Variants in MGAT4C observed in about 807,000 individuals in gnomAD.
The protein encoded by MGAT4C is alpha-1,3-mannosyl-glycoprotein 4-beta-N-acetylglucosaminyltransferase C.
In MGAT4C, 19 loss-of-function variants were observed where a neutral mutation model predicts 40.1. The ratio of observed to expected loss-of-function variants is 0.47; its 90% CI spans 0.33 to 0.70. The LOEUF is 0.70. MGAT4C is among the 30% of genes least tolerant of loss of function. The pLI is 0.02. For missense variants in MGAT4C, 491 were observed against 563.2 expected, an observed-to-expected ratio of 0.87 and a Z score of 1.30; for synonymous variants, 181 against 187.1, an observed-to-expected ratio of 0.97 and a Z score of 0.27.
chr12:86,269,057 T>TTCTTTTA (rs1952875636), intron 4 of MGAT4C, among the ~76,000 whole-genome samples: 3 of 123,654 alleles, frequency 2.4e-5, no homozygotes, highest in African/African-American at 8.9e-5. Flanking sequence ...TATATATATA[T>TTCTTTTA]ATATTCTTTT....
rs889828999 is a variant in MGAT4C, at chr12:85,971,965, A to T, written c.*7324T>A. The T allele has an allele frequency of 2.0e-5, 3 of 151,190 alleles. No homozygotes were observed. The highest frequency in any genetic ancestry group is 7.3e-5 in the African/African-American group (3 of 41,342). The allele number at this position is 151,190 out of a possible 1,614,324, so 9.4% of individuals were successfully genotyped here. A position where few individuals can be genotyped will look rare whatever the true frequency, so the allele number is the denominator to read the frequency against. On this transcript the variant is annotated 3_prime_UTR_variant, in exon 5 of 5. Coordinates refer to ENST00000611864, the MANE Select transcript of MGAT4C (RefSeq NM_001351288.2). ...TGAATGTGTCTTTTCTACTTTGACTATATTTACCATTGACTACAGTAACTC... is the reference window on the plus strand; with the variant it reads ...TGAATGTGTCTTTTCTACTTTGACTTTATTTACCATTGACTACAGTAACTC...
chr12:86,323,786 T>A (rs1309255555), intron 4 of MGAT4C, among the ~76,000 whole-genome samples: 1 of 151,960 alleles, frequency 6.6e-6, no homozygotes, highest in Non-Finnish European at 1.5e-5. Flanking sequence ...GATAAAATTG[T>A]TGATGCTTCC....
intron 1 of MGAT4C, among the ~76,000 whole-genome samples, chr12:86,149,340 A>C (rs1883976519): frequency 6.6e-6 from 1 of 152,188 alleles, no homozygotes; most frequent in African/African-American, 2.4e-5. Flanking sequence ...AAAGGAGATA[A>C]ATGTGACATG....
upstream of MGAT4C, among the ~76,000 whole-genome samples, chr12:86,259,623 T>C (rs1434453976): frequency 6.7e-6 from 1 of 149,640 alleles, no homozygotes; most frequent in Non-Finnish European, 1.5e-5. Context: ...ACCAACGTTG[T>C]CTCATTATTT....
At position 86,714,834 on chromosome 12, in the gene MGAT4C, G is replaced by A. The variant is rs529952605; in HGVS notation, c.-229+12375C>T. On this transcript the variant is annotated intron_variant, in intron 2 of 7. Coordinates refer to the MGAT4C transcript ENST00000548651. ...GGAAGGAAAGAATTAAAGTAGGAAG[G>A]AAGAAAGGGTAGAAGAAAGATGTAA... Among the ~76,000 whole-genome samples, 11 of 150,378 alleles carry A rather than the reference G, an allele frequency of 7.3e-5. No homozygotes were observed. In the South Asian group the frequency reaches 2.1e-3, roughly 29 times the overall value.
intron 4 of MGAT4C, among the ~76,000 whole-genome samples, chr12:86,321,224 G>T (rs1954377854): frequency 6.6e-6 from 1 of 151,952 alleles, no homozygotes; most frequent in Non-Finnish European, 1.5e-5. Context: ...ACAATTAAGA[G>T]AAAAAAGACA....
chr12:86,303,072 C>CT (rs920303078), intron 4 of MGAT4C, among the ~76,000 whole-genome samples: 13 of 150,738 alleles, frequency 8.6e-5, no homozygotes, highest in Non-Finnish European at 1.9e-4. Context: ...TTTTACTTCT[C>CT]TATTTTTCTC....
intron 1 of MGAT4C, among the ~76,000 whole-genome samples, chr12:86,738,553 C>T (rs1951019174): frequency 6.6e-6 from 1 of 151,138 alleles, no homozygotes; most frequent in Non-Finnish European, 1.5e-5. Context: ...ATGAATCATG[C>T]CATTCATTCA....
In MGAT4C at chr12:85,960,300, T is replaced by C. The variant is rs1296741446; in HGVS notation, c.*18989A>G. On this transcript the variant is annotated 3_prime_UTR_variant, in exon 5 of 5. Coordinates refer to ENST00000611864, the MANE Select transcript of MGAT4C (RefSeq NM_001351288.2). Reference sequence around the variant, plus strand: ...AAAAGGAAGTGATTTTCTCATTGAATAAGAGAATCCGAACTGGCATCGAGG... The same window carrying C: ...AAAAGGAAGTGATTTTCTCATTGAACAAGAGAATCCGAACTGGCATCGAGG... The C allele has an allele frequency of 6.6e-6, 1 of 152,024 alleles. No individual in the cohort carries two copies. Among genetic ancestry groups the C allele is most frequent in the African/African-American group, 2.4e-5 (1 of 41,448 alleles). 9.4% of individuals were successfully genotyped at this position (152,024 alleles called of 1,614,324 possible).
intron 2 of MGAT4C, among the ~76,000 whole-genome samples, chr12:86,505,739 G>C (rs2136340660): frequency 6.6e-6 from 1 of 152,184 alleles, no homozygotes; most frequent in South Asian, 2.1e-4. Context: ...GATAACCTTG[G>C]ATTATGCAAG....
chr12:86,462,794 A>G (rs1016845565), intron 2 of MGAT4C, among the ~76,000 whole-genome samples: 1 of 152,182 alleles, frequency 6.6e-6, no homozygotes, highest in South Asian at 2.1e-4. Context: ...TGAGACCGGA[A>G]GACTCAGCAT....
At chr12:86,491,054 CAA>C (rs934162817) in intron 2 of MGAT4C, among the ~76,000 whole-genome samples, 3 of 152,044 alleles carry the variant, frequency 2.0e-5, no homozygotes, top group African/African-American at 7.2e-5. Flanking sequence ...AGCTCTGCAC[CAA>C]GCGGACCTCA....
At position 86,194,172 on chromosome 12, in the gene MGAT4C, T is replaced by C. The variant is rs151098829; in HGVS notation, c.-57+62067A>G. Among the ~76,000 whole-genome samples, 903 of 152,352 alleles carry C rather than the reference T, an allele frequency of 5.9e-3. 5 individuals are homozygous for C. Among genetic ancestry groups the C allele is most frequent in the Middle Eastern group, 0.01 (3 of 292 alleles). On this transcript the variant is annotated intron_variant, in intron 1 of 4. Transcript: ENST00000611864. ...ATTTCTAGAATTACCATGTGATTCA[T>C]ACTATCAATGCAAGAAGTCTGCTGA...
At chr12:86,146,321 C>A (rs1451324490) in intron 1 of MGAT4C, among the ~76,000 whole-genome samples, 2 of 151,970 alleles carry the variant, frequency 1.3e-5, no homozygotes, top group Non-Finnish European at 2.9e-5. Context: ...TCCACATGTC[C>A]CATCGTGTTT....
At chr12:86,702,316 A>C (rs1214559976) in intron 2 of MGAT4C, among the ~76,000 whole-genome samples, 1 of 151,702 alleles carries the variant, frequency 6.6e-6, no homozygotes, top group Admixed American at 6.6e-5. Context: ...AAATGCTGGG[A>C]TTATGGGTGT....
intron 3 of MGAT4C, among the ~76,000 whole-genome samples, chr12:86,352,863 G>C (rs570531690): frequency 1.6e-5 from 2 of 125,694 alleles, no homozygotes; most frequent in African/African-American, 5.9e-5. Flanking sequence ...TCCGGGGTCT[G>C]TTGTTGGGTG....
chr12:86,746,373 C>T (rs1040102192), intron 1 of MGAT4C, among the ~76,000 whole-genome samples: 8 of 151,560 alleles, frequency 5.3e-5, no homozygotes, highest in African/African-American at 1.7e-4. Context: ...TTTTGGTGAT[C>T]TGTTATTTAT....
At chr12:86,080,037 T>A (rs1870536256) in intron 1 of MGAT4C, among the ~76,000 whole-genome samples, 1 of 152,100 alleles carries the variant, frequency 6.6e-6, no homozygotes, top group South Asian at 2.1e-4. Flanking sequence ...TCTGAAGTTC[T>A]CCCTGCTGTG....
rs188288620 is a variant in MGAT4C at position 86,643,919 on chromosome 12, A to T, written c.-229+83290T>A. Among the ~76,000 whole-genome samples, 238 of 151,848 alleles carry T rather than the reference A, an allele frequency of 1.6e-3. 1 individual carries two copies. The highest frequency in any genetic ancestry group is 2.4e-3 in the Non-Finnish European group (166 of 67,808). ...CTAAATTGTATACTTTAAAAGGTGA[A>T]TTTGTTGTTTTGTGAATTAATCTCA... On this transcript the variant is annotated intron_variant, in intron 2 of 7. Coordinates refer to the MGAT4C transcript ENST00000548651.
Sources: allele counts gnomAD v4.1 joint callset (sites outside exome capture counted in the v4.1 genomes callset), GRCh38; gene constraint gnomAD v4.1.1; transcripts MANE v1.5; gene names NCBI Gene and HGNC (gene_info 2026-07-23, HGNC 2026-07-21).